LANCL3: variants seen among roughly 807,000 people sequenced by gnomAD.
LANCL3 encodes the protein LanC like family member 3.
LANCL3 carries 19 observed loss-of-function variants against 26.5 expected under a neutral mutation model. The observed-to-expected ratio is 0.72, with a 90% confidence interval of 0.50 to 1.05. The LOEUF (loss-of-function observed/expected upper bound fraction) is 1.05. Among genes scored for constraint, LANCL3 ranks in the 50% least tolerant of loss-of-function variants. LANCL3 has a pLI of 0.00. For synonymous variants in LANCL3, 160 were observed against 166.6 expected, an observed-to-expected ratio of 0.96 and a Z score of 0.30; for missense variants, 318 against 362.7, an observed-to-expected ratio of 0.88 and a Z score of 1.00.
At chrX:37,622,319 C>G (rs781902560) in intron 1 of LANCL3, among the ~76,000 whole-genome samples, 1 of 110,754 alleles carries the variant, frequency 9.0e-6, no homozygotes, top group South Asian at 3.9e-4. Flanking sequence ...TTCCCTGTGT[C>G]TTCTCTGGCA....
chrX:37,676,090 TTTTTCAG>T lies in LANCL3; in HGVS notation c.*280_*286del, dbSNP rs1556437139. On this transcript the variant is annotated 3_prime_UTR_variant, in exon 5 of 5. Coordinates refer to ENST00000378619, the MANE Select transcript of LANCL3 (RefSeq NM_001170331.2). ...GAAAAGGGGAAAGAGAAATGATCTG[TTTTTCAG>T]TTATGACATAGAAAACCAAACTGCA... 1 of 195,530 alleles carries T rather than the reference TTTTTCAG, an allele frequency of 5.1e-6. No homozygotes were observed. The highest frequency in any genetic ancestry group is 9.3e-6 in the Non-Finnish European group (1 of 106,973). 16.1% of individuals were successfully genotyped at this position (195,530 alleles called of 1,213,427 possible).
intron 1 of LANCL3, among the ~76,000 whole-genome samples, chrX:37,648,832 A>G (rs1196902664): frequency 2.7e-5 from 3 of 112,310 alleles, no homozygotes; most frequent in African/African-American, 6.5e-5. Flanking sequence ...AGACATTTAC[A>G]TGGCCAAAAA....
intron 4 of LANCL3, among the ~76,000 whole-genome samples, chrX:37,671,817 A>T (rs1221283340): frequency 8.9e-6 from 1 of 112,342 alleles, no homozygotes; most frequent in Non-Finnish European, 1.9e-5. Context: ...ATTTACATGA[A>T]TGCACTGAAG....
intron 4 of LANCL3, among the ~76,000 whole-genome samples, chrX:37,671,349 GCTC>G (rs1452918706): frequency 1.8e-5 from 2 of 111,226 alleles, no homozygotes; most frequent in African/African-American, 6.5e-5. Context: ...TACTAGGAAT[GCTC>G]CTATGTTTTA....
intron 4 of LANCL3, among the ~76,000 whole-genome samples, chrX:37,673,551 G>A (rs1027013937): frequency 9.1e-5 from 10 of 110,326 alleles, no homozygotes; most frequent in African/African-American, 2.0e-4. Flanking sequence ...GACTGAGAAC[G>A]TTTTAGAAAA....
chrX:37,590,494 CTA>C (rs1924241600), intron 1 of LANCL3, among the ~76,000 whole-genome samples: 1 of 112,536 alleles, frequency 8.9e-6, no homozygotes, highest in African/African-American at 3.2e-5. Flanking sequence ...TGATATAAAG[CTA>C]TGTGACTCAC....
At chrX:37,662,268 A>G (rs1286947715) in intron 3 of LANCL3, among the ~76,000 whole-genome samples, 1 of 112,515 alleles carries the variant, frequency 8.9e-6, no homozygotes, top group African/African-American at 3.2e-5. Flanking sequence ...ATACAGGACC[A>G]AAGTCATTTA....
chrX:37,634,279 C>A (rs782677744), intron 1 of LANCL3, among the ~76,000 whole-genome samples: 1 of 112,674 alleles, frequency 8.9e-6, no homozygotes, highest in Admixed American at 9.3e-5. Flanking sequence ...TTTTTAAGCC[C>A]GTTGGAAAAG....
At chrX:37,631,389 T>C (rs1925504795) in intron 1 of LANCL3, among the ~76,000 whole-genome samples, 1 of 111,814 alleles carries the variant, frequency 8.9e-6, no homozygotes, top group African/African-American at 3.3e-5. Context: ...TTGTTGATCT[T>C]TTCAAAAAAC....
At chrX:37,597,719 A>G (rs1430780444) in intron 1 of LANCL3, among the ~76,000 whole-genome samples, 4 of 77,723 alleles carry the variant, frequency 5.1e-5, no homozygotes, top group African/African-American at 2.2e-4. Context: ...TTCTCGCTAT[A>G]TTGCCCAAGC....
chrX:37,592,821 T>G, intron 1 of LANCL3, among the ~76,000 whole-genome samples: 2 of 111,290 alleles, frequency 1.8e-5, no homozygotes, highest in Non-Finnish European at 3.8e-5. Context: ...GCAAGAATAT[T>G]TTTTATAAGT....
At chrX:37,601,108 AGT>A (rs1468263036) in intron 1 of LANCL3, among the ~76,000 whole-genome samples, 2 of 111,901 alleles carry the variant, frequency 1.8e-5, no homozygotes, top group Admixed American at 9.5e-5. Context: ...AGTTGTCATG[AGT>A]AGCATATTGT....
chrX:37,657,309 T>C (rs1448944475), intron 2 of LANCL3, among the ~76,000 whole-genome samples: 1 of 90,046 alleles, frequency 1.1e-5, no homozygotes, highest in African/African-American at 4.1e-5. Context: ...GATGAGGTGA[T>C]GAGCCAGGGC....
At chrX:37,610,120 A>G (rs1310255693) in intron 1 of LANCL3, among the ~76,000 whole-genome samples, 1 of 112,030 alleles carries the variant, frequency 8.9e-6, no homozygotes, top group Non-Finnish European at 1.9e-5. Context: ...ACTTGGGGCT[A>G]GAGGAACCAT....
intron 1 of LANCL3, among the ~76,000 whole-genome samples, chrX:37,595,716 C>T (rs782700485): frequency 7.1e-5 from 8 of 112,184 alleles, no homozygotes; most frequent in Non-Finnish European, 1.1e-4. Flanking sequence ...TAAAAATAAT[C>T]ATCATTACTT....
chrX:37,596,409 G>A (rs1459483845), intron 1 of LANCL3, among the ~76,000 whole-genome samples: 1 of 112,163 alleles, frequency 8.9e-6, no homozygotes, highest in Non-Finnish European at 1.9e-5. Context: ...GAGCTTAAGG[G>A]ATTTTATGTT....
At chrX:37,660,930 T>C (rs782176653) in intron 3 of LANCL3, among the ~76,000 whole-genome samples, 2 of 110,268 alleles carry the variant, frequency 1.8e-5, no homozygotes, top group Non-Finnish European at 3.8e-5. Context: ...TATCCATGCA[T>C]TGTGTGTTAT....
chrX:37,582,762 A>G (rs782771402), intron 1 of LANCL3, among the ~76,000 whole-genome samples: 1 of 111,821 alleles, frequency 8.9e-6, no homozygotes, highest in South Asian at 3.7e-4. Flanking sequence ...CTTATTCTGT[A>G]GGTTGCCTGT....
At chrX:37,651,054 A>G (rs956533379) in intron 1 of LANCL3, among the ~76,000 whole-genome samples, 15 of 111,104 alleles carry the variant, frequency 1.4e-4, no homozygotes, top group African/African-American at 4.3e-4. Flanking sequence ...ACAAAGGACA[A>G]GAACTCATCC....
Sources: gnomAD v4.1 joint callset for allele counts (sites outside exome capture counted in the v4.1 genomes callset) on GRCh38, gnomAD v4.1.1 for gene constraint, MANE v1.5 for transcripts, NCBI Gene and HGNC (gene_info 2026-07-23, HGNC 2026-07-21) for gene names.